SAMD4A: variants seen among roughly 807,000 people sequenced by gnomAD.
SAMD4A encodes protein Smaug homolog 1.
In SAMD4A, 33 loss-of-function variants were observed where a neutral mutation model predicts 81.3. The observed-to-expected ratio is 0.41, with a 90% CI of 0.31 to 0.54. The LOEUF (loss-of-function observed/expected upper bound fraction) is 0.54, where lower values mean the gene tolerates loss of function less well. Ranked by LOEUF, SAMD4A falls within the 20% of genes least tolerant of loss-of-function variation. The probability of loss-of-function intolerance (pLI) is 0.37; values close to 1 mark genes in which losing one functional copy is unlikely to be tolerated. For missense variants in SAMD4A, 854 were observed against 951.1 expected (o/e 0.90, Z 1.34); for synonymous variants, 389 against 382.1 (o/e 1.02, Z -0.21).
At chr14:54,632,993 C>T (rs1329324619) in intron 2 of SAMD4A, among the ~76,000 whole-genome samples, 2 of 152,140 alleles carry the variant, frequency 1.3e-5, no homozygotes. Context: ...TAATATATAT[C>T]ATTTCACACA....
At chr14:54,723,999 T>A (rs914843648) in intron 3 of SAMD4A, among the ~76,000 whole-genome samples, 1,317 of 52,714 alleles carry the variant, frequency 0.025, 11 homozygotes, top group African/African-American at 0.04. Flanking sequence ...ATTGGATGGA[T>A]GGATGGATGG....
intron 2 of SAMD4A, among the ~76,000 whole-genome samples, chr14:54,602,291 C>G (rs2147533): frequency 0.26 from 38,185 of 149,090 alleles, 5,130 homozygotes; most frequent in Admixed American, 0.35. Context: ...CAGAATAATG[C>G]ATTTTTCCAT....
intron 2 of SAMD4A, among the ~76,000 whole-genome samples, chr14:54,670,659 G>T (rs551435287): frequency 6.6e-6 from 1 of 152,202 alleles, no homozygotes; most frequent in Non-Finnish European, 1.5e-5. Flanking sequence ...TGCCTAGCAC[G>T]TGGTATGTGA....
intron 2 of SAMD4A, among the ~76,000 whole-genome samples, chr14:54,672,967 C>T (rs193260091): frequency 1.6e-3 from 244 of 152,260 alleles, no homozygotes; most frequent in African/African-American, 5.5e-3. Context: ...TAGAGACTCA[C>T]CGGAAGAGAT....
chr14:54,567,561 C>T lies in SAMD4A; in HGVS notation c.-356C>T, dbSNP rs2032977006. ...GTTGCCGCCCAGCGGGGAGGAGACCCCAGGACGCCGGAAATCACCATCCCA... is the reference window on the plus strand; with the variant it reads ...GTTGCCGCCCAGCGGGGAGGAGACCTCAGGACGCCGGAAATCACCATCCCA... On this transcript the variant is annotated 5_prime_UTR_variant, in exon 2 of 13. Coordinates refer to ENST00000554335, the MANE Select transcript of SAMD4A (RefSeq NM_015589.6). The T allele has an allele frequency of 3.6e-6, 1 of 274,098 alleles. No homozygotes were observed. Among genetic ancestry groups the T allele is most frequent in the African/African-American group, 2.3e-5 (1 of 43,152 alleles). 17.0% of individuals were successfully genotyped at this position (274,098 alleles called of 1,614,324 possible).
rs1034328983 is a variant in SAMD4A, at chr14:54,625,868, T to C, written c.196+57756T>C. Among the ~76,000 whole-genome samples the C allele has an allele frequency of 5.3e-5, 8 of 152,158 alleles. No individual in the cohort carries two copies. In the East Asian group the frequency reaches 1.5e-3, roughly 29 times the overall value. On this transcript the variant is annotated intron_variant, in intron 2 of 12. Transcript: ENST00000554335. ...TCCCCCATGCATTGTACCTTTAAATTGTCCCGCTCTAATTTGGTATCTCTT... is the reference window on the plus strand; with the variant it reads ...TCCCCCATGCATTGTACCTTTAAATCGTCCCGCTCTAATTTGGTATCTCTT...
In SAMD4A at chr14:54,789,019, T is replaced by G; in HGVS notation, c.*75T>G. On this transcript the variant is annotated 3_prime_UTR_variant, in exon 13 of 13. Transcript: ENST00000554335. ...GTCCAGTGTCCGCCATCTTCAGGGT[T>G]GCACAGAATCCTCCAAGATACTTTG... The G allele has an allele frequency of 6.6e-7, 1 of 1,523,226 alleles. No homozygotes were observed. The highest frequency in any genetic ancestry group is 9.1e-7 in the Non-Finnish European group (1 of 1,097,554). 94.4% of individuals were successfully genotyped at this position (1,523,226 alleles called of 1,614,324 possible).
At chr14:54,645,937 C>CT (rs971862354) in intron 2 of SAMD4A, among the ~76,000 whole-genome samples, 1 of 152,124 alleles carries the variant, frequency 6.6e-6, no homozygotes, top group Non-Finnish European at 1.5e-5. Context: ...CAAAATTATT[C>CT]TTTTTTCAAA....
chr14:54,636,678 T>C (rs1239749006), intron 2 of SAMD4A, among the ~76,000 whole-genome samples: 3 of 152,112 alleles, frequency 2.0e-5, no homozygotes, highest in Non-Finnish European at 4.4e-5. Flanking sequence ...GTGGATTTCC[T>C]GACAACAGAA....
chr14:54,643,705 T>A (rs1443255908), intron 2 of SAMD4A, among the ~76,000 whole-genome samples: 1 of 152,246 alleles, frequency 6.6e-6, no homozygotes, highest in East Asian at 1.9e-4. Context: ...ATGTTTAAAT[T>A]GTCAGTTATT....
At chr14:54,750,830 T>C (rs1309095044) in intron 5 of SAMD4A, among the ~76,000 whole-genome samples, 1 of 152,206 alleles carries the variant, frequency 6.6e-6, no homozygotes, top group Admixed American at 6.5e-5. Context: ...AAAATTATCT[T>C]CTAAGGCTGT....
intron 9 of SAMD4A, among the ~76,000 whole-genome samples, chr14:54,770,683 A>G (rs2038679948): frequency 6.6e-6 from 1 of 152,176 alleles, no homozygotes; most frequent in African/African-American, 2.4e-5. Context: ...GTGCTAGTCT[A>G]TTTTGGTCTG....
chr14:54,597,369 GGT>G (rs766511607), intron 2 of SAMD4A, among the ~76,000 whole-genome samples: 7 of 151,880 alleles, frequency 4.6e-5, no homozygotes, highest in Non-Finnish European at 8.8e-5. Context: ...CTGCCTCCCG[GGT>G]TCAAGTGATT....
At chr14:54,606,213 G>GTGCGTGCA (rs1555335555) in intron 2 of SAMD4A, among the ~76,000 whole-genome samples, 6 of 144,418 alleles carry the variant, frequency 4.2e-5, no homozygotes, top group Non-Finnish European at 7.5e-5. Context: ...GTGTGTGTGT[G>GTGCGTGCA]CGTGCACGTG....
At chr14:54,566,509 G>A (rs1348049901), upstream of SAMD4A, among the ~76,000 whole-genome samples, 2 of 151,788 alleles carry the variant, frequency 1.3e-5, no homozygotes, top group East Asian at 1.9e-4. Context: ...GATGGGACTG[G>A]GGGAACCCCC....
Position 54,658,001 on chromosome 14 carries a change from G to T in SAMD4A, c.197-44061G>T, listed in dbSNP as rs186008765. On this transcript the variant is annotated intron_variant, in intron 2 of 12. Coordinates refer to ENST00000554335, the MANE Select transcript of SAMD4A (RefSeq NM_015589.6). Reference sequence around the variant, plus strand: ...ATGAATTGAACTCCACGAAGTAGATGTTAGAGAAGTTTTAAAAGAGAATGT... The same window carrying T: ...ATGAATTGAACTCCACGAAGTAGATTTTAGAGAAGTTTTAAAAGAGAATGT... Among the ~76,000 whole-genome samples, 283 of 152,322 alleles carry T rather than the reference G, an allele frequency of 1.9e-3. 3 individuals carry two copies. The highest frequency in any genetic ancestry group is 6.4e-3 in the African/African-American group (266 of 41,576).
intron 2 of SAMD4A, among the ~76,000 whole-genome samples, chr14:54,649,269 G>A (rs1566565768): frequency 6.6e-6 from 1 of 152,170 alleles, no homozygotes; most frequent in Non-Finnish European, 1.5e-5. Flanking sequence ...AGGAAGGAAG[G>A]AGCCAGAAGA....
intron 9 of SAMD4A, among the ~76,000 whole-genome samples, chr14:54,774,652 C>CAAAAAAA (rs1286823182): frequency 7.5e-5 from 10 of 134,034 alleles, no homozygotes; most frequent in Admixed American, 2.2e-4. Context: ...CCATCTCTAC[C>CAAAAAAA]AAAAAAAAAA....
intron 11 of SAMD4A, chr14:54,784,238 G>T (rs1462779484): frequency 1.2e-6 from 1 of 847,544 alleles, no homozygotes; most frequent in African/African-American, 1.7e-5. Flanking sequence ...GCCAGGGCAG[G>T]AGGTTGGCTG....
Sources: gnomAD v4.1 joint callset for allele counts (sites outside exome capture counted in the v4.1 genomes callset) on GRCh38, gnomAD v4.1.1 for gene constraint, MANE v1.5 for transcripts, NCBI Gene and HGNC (gene_info 2026-07-23, HGNC 2026-07-21) for gene names.